KCNIP3: variants seen among roughly 807,000 people sequenced by gnomAD.
KCNIP3 encodes the protein calsenilin.
KCNIP3 carries 28 observed loss-of-function variants against 35.0 expected under a neutral mutation model. That is an observed-to-expected ratio of 0.80 (90% CI 0.59 to 1.10). KCNIP3 has a LOEUF of 1.10. KCNIP3 is among the 50% of genes least tolerant of loss of function. KCNIP3 has a pLI of 0.00. For synonymous variants in KCNIP3, 134 were observed against 133.8 expected, an observed-to-expected ratio of 1.00 and a Z score of -0.01; for missense variants, 295 against 338.4, an observed-to-expected ratio of 0.87 and a Z score of 1.01.
chr2:95,335,907 A>C (rs1419135283), intron 2 of KCNIP3, among the ~76,000 whole-genome samples: 1 of 152,034 alleles, frequency 6.6e-6, no homozygotes, highest in African/African-American at 2.4e-5. Flanking sequence ...TTCACATTTA[A>C]GGTAATGATT....
intron 2 of KCNIP3, among the ~76,000 whole-genome samples, chr2:95,332,744 C>T (rs931354240): frequency 9.9e-5 from 15 of 152,176 alleles, no homozygotes; most frequent in Non-Finnish European, 1.2e-4. Context: ...CTTTACTATA[C>T]ACCCTTTATA....
At position 95,377,883 on chromosome 2, in the gene KCNIP3, GCAGA is replaced by G. The variant is rs1427403417; in HGVS notation, c.447+2685_447+2688del. On this transcript the variant is annotated intron_variant, in intron 5 of 8. Transcript: ENST00000295225. This position sits in a 1 kb window ranked among gnomAD's most constrained non-coding sequence, Gnocchi z 4.7. ...GGCTGAACATGAGGGCTTCTCCGCA[GCAGA>G]CAGACAGACCACCTGAGGGGCCCAT... is the stretch of plus-strand genomic sequence containing the variant. Among the ~76,000 whole-genome samples, 13 of 152,198 alleles carry G rather than the reference GCAGA, an allele frequency of 8.5e-5. No homozygotes were observed. Among genetic ancestry groups the G allele is most frequent in the East Asian group, 1.9e-4 (1 of 5,184 alleles).
At chr2:95,298,276 C>G (rs997112948) in intron 1 of KCNIP3, among the ~76,000 whole-genome samples, 3 of 152,136 alleles carry the variant, frequency 2.0e-5, no homozygotes, top group African/African-American at 7.2e-5. Flanking sequence ...GTGGATGGAA[C>G]AAGGTTAGCG....
Position 95,383,287 on chromosome 2 carries a change from G to C in KCNIP3, c.716G>C (p.Cys239Ser). Residue 239 changes from cysteine to serine, a missense_variant, in exon 8 of 9, where the codon TGT becomes TCT. Cys to Ser is a moderately radical substitution (Grantham distance 112). Transcript: ENST00000295225. The part of the protein sequence containing the change: ...VVTIEEFLEA[C>S]QKDENIMSSM... ...ACCATTGAAGAGTTCCTGGAGGCCTGTCAGAAGGTAGGTGGCACGGGAGGC... is the reference window on the plus strand; with the variant it reads ...ACCATTGAAGAGTTCCTGGAGGCCTCTCAGAAGGTAGGTGGCACGGGAGGC... 1 of 1,613,692 alleles carries C rather than the reference G, an allele frequency of 6.2e-7. No homozygotes were observed. The highest frequency in any genetic ancestry group is 8.5e-7 in the Non-Finnish European group (1 of 1,179,834).
At chr2:95,371,603 G>C (rs1680042717) in intron 2 of KCNIP3, among the ~76,000 whole-genome samples, 1 of 152,124 alleles carries the variant, frequency 6.6e-6, no homozygotes, top group Non-Finnish European at 1.5e-5. Context: ...CCATTTACTG[G>C]AAAGGGGTGC....
chr2:95,368,867 C>A (rs368197953), intron 2 of KCNIP3: 68 of 185,856 alleles, frequency 3.7e-4, no homozygotes, highest in Non-Finnish European at 7.1e-4. Flanking sequence ...CCAGGTAGCA[C>A]AAAAAGCCCC....
At chr2:95,357,982 A>G (rs1679699013) in intron 2 of KCNIP3, among the ~76,000 whole-genome samples, 1 of 152,196 alleles carries the variant, frequency 6.6e-6, no homozygotes, top group African/African-American at 2.4e-5. Context: ...GACCTTGACC[A>G]GCAGCTTTGG....
chr2:95,358,981 A>T (rs1016828304), intron 2 of KCNIP3, among the ~76,000 whole-genome samples: 5 of 149,652 alleles, frequency 3.3e-5, no homozygotes, highest in South Asian at 2.1e-4. Flanking sequence ...AACCAAACAA[A>T]TTTTTTTTTT....
Position 95,375,218 on chromosome 2 carries a change from C to A in KCNIP3, c.447+10C>A. On this transcript the variant is annotated intron_variant, in intron 5 of 8. Coordinates refer to ENST00000295225, the MANE Select transcript of KCNIP3 (RefSeq NM_013434.5). The stretch of plus-strand genomic sequence containing the variant: ...GGCCATCCACTTTGAGGTAGGTCCT[C>A]GCGGATTCCTCCCACGTGTCCTGCC... 1 of 1,613,226 alleles carries A rather than the reference C, an allele frequency of 6.2e-7. No individual in the cohort carries two copies. Among genetic ancestry groups the A allele is most frequent in the East Asian group, 2.2e-5 (1 of 44,864 alleles).
intron 1 of KCNIP3, chr2:95,302,945 C>A (rs1336965805): frequency 6.5e-6 from 1 of 152,784 alleles, no homozygotes. Flanking sequence ...ATGCATCTTG[C>A]CCATGCATGT....
intron 2 of KCNIP3, among the ~76,000 whole-genome samples, chr2:95,326,285 A>G (rs1678785921): frequency 6.6e-6 from 1 of 151,868 alleles, no homozygotes; most frequent in Admixed American, 6.6e-5. Flanking sequence ...CACTACACAT[A>G]CACACTCATT....
intron 2 of KCNIP3, among the ~76,000 whole-genome samples, chr2:95,332,679 G>T (rs956994204): frequency 1.3e-5 from 2 of 152,212 alleles, no homozygotes; most frequent in African/African-American, 4.8e-5. Flanking sequence ...CACATTTGGG[G>T]AGTACTAGTC....
intron 2 of KCNIP3, among the ~76,000 whole-genome samples, chr2:95,348,352 G>A (rs1317536188): frequency 6.6e-6 from 1 of 152,216 alleles, no homozygotes; most frequent in African/African-American, 2.4e-5. Flanking sequence ...GTGGAGGGGT[G>A]AGCGTCCTGT....
intron 2 of KCNIP3, among the ~76,000 whole-genome samples, chr2:95,317,396 C>T (rs1190783515): frequency 3.9e-5 from 6 of 152,210 alleles, no homozygotes; most frequent in Admixed American, 3.9e-4. Context: ...GAACAGTGAG[C>T]TCCGGGGGCC....
intron 2 of KCNIP3, among the ~76,000 whole-genome samples, chr2:95,327,813 G>A (rs993030393): frequency 3.3e-5 from 5 of 152,204 alleles, no homozygotes; most frequent in Admixed American, 2.6e-4. Flanking sequence ...GAGGCTACAC[G>A]CAGCAGGACT....
At chr2:95,381,177 T>C (rs1191902382) in intron 5 of KCNIP3, among the ~76,000 whole-genome samples, 3 of 152,198 alleles carry the variant, frequency 2.0e-5, no homozygotes, top group Non-Finnish European at 2.9e-5. Flanking sequence ...GGACACCATA[T>C]ATATTTGAAT....
chr2:95,305,683 C>T (rs1573478105), intron 1 of KCNIP3, among the ~76,000 whole-genome samples: 1 of 152,192 alleles, frequency 6.6e-6, no homozygotes, highest in Admixed American at 6.5e-5. Context: ...ACCCCTGGCC[C>T]TCTAATCTGT....
At chr2:95,341,491 G>T (rs1468250361) in intron 2 of KCNIP3, among the ~76,000 whole-genome samples, 3 of 152,192 alleles carry the variant, frequency 2.0e-5, no homozygotes, top group Non-Finnish European at 4.4e-5. Context: ...CTCCCTTGGT[G>T]TCATTTCGTA....
chr2:95,369,884 G>A (rs956328405), intron 2 of KCNIP3, among the ~76,000 whole-genome samples: 1 of 152,144 alleles, frequency 6.6e-6, no homozygotes, highest in Non-Finnish European at 1.5e-5. Context: ...TCAGCCTCTG[G>A]TGCTGGGATT....
Sources: gnomAD v4.1 joint callset for allele counts (sites outside exome capture counted in the v4.1 genomes callset) on GRCh38, gnomAD v4.1.1 for gene constraint, Gnocchi (gnomAD v3.1) non-coding constraint, MANE v1.5 for transcripts, NCBI Gene and HGNC (gene_info 2026-07-23, HGNC 2026-07-21) for gene names.